Variants in THOC2 observed in about 807,000 individuals in gnomAD.
The protein encoded by THOC2 is THO complex 2.
A neutral mutation model predicts 128.4 loss-of-function variants in THOC2; 10 were observed. That is an observed-to-expected ratio of 0.08 (90% CI 0.05 to 0.13). The LOEUF (loss-of-function observed/expected upper bound fraction) is 0.13, where lower values mean the gene tolerates loss of function less well. Ranked by LOEUF, THOC2 falls within the 10% of genes least tolerant of loss-of-function variation. The pLI is 1.00. For synonymous variants in THOC2, 393 were observed against 396.9 expected (o/e 0.99, Z 0.12); for missense variants, 535 against 1,155.7 (o/e 0.46, Z 7.79).
chrX:123,630,962 T>G (rs980946886), intron 22 of THOC2, among the ~76,000 whole-genome samples: 1 of 112,545 alleles, frequency 8.9e-6, no homozygotes, highest in Non-Finnish European at 1.9e-5. Context: ...CATTTCTTTG[T>G]TTAGGTTTTT....
intron 1 of THOC2, among the ~76,000 whole-genome samples, chrX:123,715,499 C>T (rs766641959): frequency 1.5e-3 from 161 of 110,231 alleles, no homozygotes; most frequent in African/African-American, 4.9e-3. Context: ...AAAAAAAAAT[C>T]AGCCAGGTGC....
rs1256411821 is a variant in THOC2 at position 123,627,716 on chromosome X, C to G, written c.2734G>C (p.Ala912Pro). 2 of 1,209,733 alleles carry G rather than the reference C, an allele frequency of 1.7e-6. No homozygotes were observed. Among genetic ancestry groups the G allele is most frequent in the Non-Finnish European group, 2.2e-6 (2 of 895,061 alleles). The change falls in exon 23 of 39, where the codon GCA becomes CCA. Residue 912 changes from alanine (A) to proline (P), a missense_variant. Coordinates refer to ENST00000245838, the MANE Select transcript of THOC2 (RefSeq NM_001081550.2). Reference protein sequence around the residue: ...EVNKLKVQMKAIDDNQEMPPN... With the variant: ...EVNKLKVQMKPIDDNQEMPPN... ...ACCATTTCCTGATTGTCATCAATTG[C>G]TTTCATCTGGACTTTAAGTTTATTG...
intron 15 of THOC2, among the ~76,000 whole-genome samples, chrX:123,643,946 C>T (rs767299140): frequency 8.9e-6 from 1 of 112,048 alleles, no homozygotes; most frequent in Non-Finnish European, 1.9e-5. Flanking sequence ...ACAATAGCCT[C>T]GTTGAAAACA....
chrX:123,651,470 TAG>T (rs1208887295), intron 12 of THOC2, among the ~76,000 whole-genome samples: 1 of 110,489 alleles, frequency 9.1e-6, no homozygotes, highest in African/African-American at 3.3e-5. Context: ...CTGAAGGAGA[TAG>T]AGACACAAAA....
chrX:123,695,489 A>T (rs2050411971), intron 7 of THOC2, among the ~76,000 whole-genome samples: 1 of 112,116 alleles, frequency 8.9e-6, no homozygotes, highest in South Asian at 3.7e-4. Flanking sequence ...TTACTTTAAA[A>T]GGCTACTATA....
At chrX:123,641,580 A>G (rs949685947) in intron 15 of THOC2, among the ~76,000 whole-genome samples, 1 of 111,428 alleles carries the variant, frequency 9.0e-6, no homozygotes, top group African/African-American at 3.3e-5. Flanking sequence ...TCAAATTTCC[A>G]ACTTACCACT....
At chrX:123,607,057 T>TA (rs1180833045) in intron 38 of THOC2, among the ~76,000 whole-genome samples, 2,243 of 100,566 alleles carry the variant, frequency 0.022, 63 homozygotes, top group African/African-American at 0.075. Flanking sequence ...AAGCAGGAAT[T>TA]AAAAAAAAAA....
intron 18 of THOC2, 46 bp downstream of exon 18, chrX:123,637,997 T>A (rs1263730057): frequency 2.1e-6 from 2 of 959,208 alleles, no homozygotes; most frequent in Non-Finnish European, 1.5e-6. Context: ...AACATGGCAG[T>A]TACCACAGAT....
chrX:123,639,820 AAGGAAATAATTCCAGGCCTAAAGCTG>A (rs2047837411), intron 16 of THOC2, among the ~76,000 whole-genome samples: 1 of 112,046 alleles, frequency 8.9e-6, no homozygotes, highest in South Asian at 3.7e-4. Context: ...TTAATTTAAA[AAGGAAATAATTCCAGGCCTAAAGCTG>A]AATTTTGGAA....
chrX:123,637,556 T>C (rs1324226909), intron 18 of THOC2, among the ~76,000 whole-genome samples: 8 of 110,884 alleles, frequency 7.2e-5, no homozygotes, highest in Non-Finnish European at 1.3e-4. Context: ...GGTCAGGAGT[T>C]CAAGACCAGC....
At chrX:123,720,732 A>AT (rs1326500180) in intron 1 of THOC2, among the ~76,000 whole-genome samples, 2 of 112,069 alleles carry the variant, frequency 1.8e-5, no homozygotes, top group African/African-American at 3.2e-5. Context: ...TTATTCAGCC[A>AT]TAAAAAAAAG....
intron 22 of THOC2, among the ~76,000 whole-genome samples, chrX:123,629,963 T>TCAACAA (rs1449214664): frequency 8.9e-6 from 1 of 111,902 alleles, no homozygotes; most frequent in Admixed American, 9.4e-5. Context: ...GACCACAACC[T>TCAACAA]CAACAATTAA....
At chrX:123,652,646 C>T (rs950925714) in intron 12 of THOC2, among the ~76,000 whole-genome samples, 1 of 110,907 alleles carries the variant, frequency 9.0e-6, no homozygotes, top group Non-Finnish European at 1.9e-5. Flanking sequence ...TAATAGAGAG[C>T]CAAATCATGA....
Position 123,671,771 on chromosome X carries a change from T to TAAA in THOC2, c.769-13_769-11dup. ...TCTCGCCATTTGGTTCCTAGAAATA[T>TAAA]AAAAAAAAAAGTTTCCATTTAGTGC... On this transcript the variant is annotated splice_polypyrimidine_tract_variant and intron_variant, in intron 8 of 38. Coordinates refer to ENST00000245838, the MANE Select transcript of THOC2 (RefSeq NM_001081550.2). 1 of 1,032,942 alleles carries TAAA rather than the reference T, an allele frequency of 9.7e-7. No homozygotes were observed. Among genetic ancestry groups the TAAA allele is most frequent in the East Asian group, 3.4e-5 (1 of 29,424 alleles). The allele number at this position is 1,032,942 out of a possible 1,213,427, so 85.1% of individuals were successfully genotyped here.
intron 4 of THOC2, among the ~76,000 whole-genome samples, chrX:123,701,463 C>A (rs2050698003): frequency 1.8e-5 from 2 of 111,327 alleles, no homozygotes; most frequent in African/African-American, 6.5e-5. Flanking sequence ...AACAATAATT[C>A]ATATTACTAA....
chrX:123,720,557 T>C (rs2051645140), intron 1 of THOC2, among the ~76,000 whole-genome samples: 1 of 112,258 alleles, frequency 8.9e-6, no homozygotes, highest in Admixed American at 9.5e-5. Context: ...TTCCTACTTC[T>C]GAGTACTTAT....
intron 18 of THOC2, among the ~76,000 whole-genome samples, chrX:123,636,883 G>GAAGAT (rs772173145): frequency 1.8e-5 from 2 of 112,026 alleles, no homozygotes; most frequent in Non-Finnish European, 3.8e-5. Context: ...GAGTCTAGTG[G>GAAGAT]AAGATACAGA....
chrX:123,611,128 A>G (rs1442042301), intron 37 of THOC2, among the ~76,000 whole-genome samples, 165 bp from the exon 38 acceptor site: 3 of 111,034 alleles, frequency 2.7e-5, no homozygotes, highest in East Asian at 2.8e-4. Flanking sequence ...TTGCCCTTCT[A>G]TTCCCAATGT....
chrX:123,715,488 GA>G (rs1176012770), intron 1 of THOC2, among the ~76,000 whole-genome samples: 6 of 109,214 alleles, frequency 5.5e-5, no homozygotes, highest in South Asian at 3.9e-4. Context: ...AATTAAAGAA[GA>G]AAAAAAAATC....
Sources: allele counts gnomAD v4.1 joint callset (sites outside exome capture counted in the v4.1 genomes callset), GRCh38; gene constraint gnomAD v4.1.1; transcripts MANE v1.5; gene names NCBI Gene and HGNC (gene_info 2026-07-23, HGNC 2026-07-21).